TBC1D5: variants seen among roughly 807,000 people sequenced by gnomAD.
TBC1D5 encodes TBC1 domain family, member 5.
In TBC1D5, 75 loss-of-function variants were observed where a neutral mutation model predicts 100.3. The observed-to-expected ratio is 0.75, with a 90% confidence interval of 0.62 to 0.91. The LOEUF is 0.91. Among genes scored for constraint, TBC1D5 ranks in the 40% least tolerant of loss-of-function variants. TBC1D5 has a pLI of 0.00. For missense variants in TBC1D5, 910 were observed against 942.4 expected (o/e 0.97, Z 0.45); for synonymous variants, 323 against 325.6 (o/e 0.99, Z 0.09).
chr3:17,229,772 T>A (rs1315418630), intron 17 of TBC1D5, among the ~76,000 whole-genome samples: 3 of 152,146 alleles, frequency 2.0e-5, no homozygotes, highest in Non-Finnish European at 2.9e-5. Context: ...CCAGAGCCCG[T>A]GCTAGACAAA....
At chr3:17,689,098 C>G (rs1236358831) in intron 1 of TBC1D5, among the ~76,000 whole-genome samples, 1 of 151,994 alleles carries the variant, frequency 6.6e-6, no homozygotes, top group Non-Finnish European at 1.5e-5. Context: ...GATTTACTTT[C>G]CAAAATCCCC....
chr3:17,405,694 A>C (rs1046371629), intron 5 of TBC1D5, among the ~76,000 whole-genome samples: 1 of 151,996 alleles, frequency 6.6e-6, no homozygotes, highest in Non-Finnish European at 1.5e-5. Context: ...TTAATTATTA[A>C]ATCTAAATTA....
chr3:17,170,079 C>T (rs572656555), intron 19 of TBC1D5, among the ~76,000 whole-genome samples: 2 of 152,204 alleles, frequency 1.3e-5, no homozygotes, highest in African/African-American at 2.4e-5. Context: ...TAACAGGCCA[C>T]GGGCCAGTAC....
At chr3:17,363,894 A>G (rs987012856) in intron 13 of TBC1D5, among the ~76,000 whole-genome samples, 3 of 151,910 alleles carry the variant, frequency 2.0e-5, no homozygotes, top group African/African-American at 7.2e-5. Context: ...TTATTTCTTT[A>G]TGTATGTTAA....
chr3:17,688,104 AAATATCACTTTG>A (rs2070576588), intron 1 of TBC1D5, among the ~76,000 whole-genome samples: 1 of 152,226 alleles, frequency 6.6e-6, no homozygotes, highest in South Asian at 2.1e-4. Context: ...TGATTTCACT[AAATATCACTTTG>A]AAGAATTTTA....
At chr3:17,296,488 AG>A (rs1024238186) in intron 14 of TBC1D5, among the ~76,000 whole-genome samples, 1 of 152,244 alleles carries the variant, frequency 6.6e-6, no homozygotes, top group African/African-American at 2.4e-5. Flanking sequence ...ACAAATGGCA[AG>A]AAACAAAATG....
intron 17 of TBC1D5, among the ~76,000 whole-genome samples, chr3:17,219,305 G>T (rs1298209962): frequency 6.6e-6 from 1 of 151,634 alleles, no homozygotes; most frequent in African/African-American, 2.4e-5. Context: ...TATTTGATGA[G>T]ACACTATTCT....
intron 1 of TBC1D5, among the ~76,000 whole-genome samples, chr3:17,703,648 C>T (rs1055732423): frequency 5.3e-5 from 8 of 151,888 alleles, no homozygotes; most frequent in African/African-American, 1.9e-4. Context: ...AACTGAAATC[C>T]CTGAATGTTT....
rs139977427 is a variant in TBC1D5, at chr3:17,620,274, C to T, written c.-36+3575G>A. Among the ~76,000 whole-genome samples the T allele has an allele frequency of 5.3e-5, 8 of 152,276 alleles. No individual in the cohort carries two copies. The East Asian group carries it at 5.8e-4, about 11-fold the overall frequency. On this transcript the variant is annotated intron_variant, in intron 2 of 21. Coordinates refer to ENST00000253692, the Ensembl canonical transcript of TBC1D5. ...GGATTACAGGGGCAAGCCACTACAC[C>T]GGGCTTAGTATTTGCCCCTTCAACC... is the stretch of plus-strand genomic sequence containing the variant.
chr3:17,433,100 G>A lies in TBC1D5; in HGVS notation c.98-4581C>T, dbSNP rs554515311. On this transcript the variant is annotated intron_variant, in intron 3 of 21. Transcript: ENST00000253692. ...GCTACTTTCCCAGGGTGGGAGTCTGGTACTTAGTTCTCGAAGGGAAGAGGG... is the reference window on the plus strand; with the variant it reads ...GCTACTTTCCCAGGGTGGGAGTCTGATACTTAGTTCTCGAAGGGAAGAGGG... 4.6e-5 allele frequency among the ~76,000 whole-genome samples: 7 copies of A among 152,208 alleles called. No homozygotes were observed. In the South Asian group the frequency reaches 1.2e-3, roughly 27 times the overall value.
chr3:17,515,285 A>G (rs1022296753), intron 2 of TBC1D5, among the ~76,000 whole-genome samples: 1 of 152,154 alleles, frequency 6.6e-6, no homozygotes, highest in Non-Finnish European at 1.5e-5. Flanking sequence ...CAATCCTTCT[A>G]AAAGTCCATA....
intron 2 of TBC1D5, among the ~76,000 whole-genome samples, chr3:17,573,395 A>C (rs2096638939): frequency 6.6e-6 from 1 of 152,100 alleles, no homozygotes; most frequent in East Asian, 1.9e-4. Context: ...TCTTTCTAAC[A>C]ATCTGATCTC....
At chr3:17,635,337 A>G (rs2063813402) in intron 1 of TBC1D5, among the ~76,000 whole-genome samples, 1 of 152,220 alleles carries the variant, frequency 6.6e-6, no homozygotes, top group Non-Finnish European at 1.5e-5. Context: ...TTGGTATTTA[A>G]AGACATAACA....
chr3:17,468,028 A>G (rs2150073828), intron 3 of TBC1D5, among the ~76,000 whole-genome samples: 1 of 152,360 alleles, frequency 6.6e-6, no homozygotes, highest in African/African-American at 2.4e-5. Flanking sequence ...AAGAAAGTAT[A>G]CATTTTGAAT....
intron 2 of TBC1D5, among the ~76,000 whole-genome samples, chr3:17,613,883 T>C (rs552016986): frequency 6.6e-6 from 1 of 152,360 alleles, no homozygotes; most frequent in Admixed American, 6.5e-5. Flanking sequence ...AGAAGCTTTT[T>C]AGTTTAATTA....
Position 17,698,774 on chromosome 3 carries a change from C to A in TBC1D5, c.-101+40569G>T, listed in dbSNP as rs1368831636. Reference sequence around the variant, plus strand: ...TTCTCAAAAGAAGACATTTATGCAGCCAAAAGACACATGAAAAAATGCTCA... The same window carrying A: ...TTCTCAAAAGAAGACATTTATGCAGACAAAAGACACATGAAAAAATGCTCA... On this transcript the variant is annotated intron_variant, in intron 1 of 21. Coordinates refer to ENST00000253692, the Ensembl canonical transcript of TBC1D5. 1.3e-5 allele frequency among the ~76,000 whole-genome samples: 2 copies of A among 148,774 alleles called. 1 individual carries two copies. The highest frequency in any genetic ancestry group is 3.0e-5 in the Non-Finnish European group (2 of 67,388).
chr3:17,554,172 T>C (rs1385395717), intron 2 of TBC1D5, among the ~76,000 whole-genome samples: 6 of 152,206 alleles, frequency 3.9e-5, no homozygotes, highest in Non-Finnish European at 8.8e-5. Flanking sequence ...ACCTAAAATG[T>C]ACATAACAGC....
At chr3:17,176,855 C>T (rs569812488) in intron 19 of TBC1D5, among the ~76,000 whole-genome samples, 18 of 151,052 alleles carry the variant, frequency 1.2e-4, no homozygotes, top group South Asian at 4.2e-4. Flanking sequence ...CCAGAAAAGT[C>T]TCTTCCTTAC....
At chr3:17,231,205 T>A (rs895104705) in intron 17 of TBC1D5, among the ~76,000 whole-genome samples, 1 of 152,182 alleles carries the variant, frequency 6.6e-6, no homozygotes, top group Admixed American at 6.5e-5. Context: ...AATAAATTCA[T>A]AAATATCTCT....
Sources: gnomAD v4.1 joint callset for allele counts (sites outside exome capture counted in the v4.1 genomes callset) on GRCh38, gnomAD v4.1.1 for gene constraint, MANE v1.5 for transcripts, NCBI Gene and HGNC (gene_info 2026-07-23, HGNC 2026-07-21) for gene names.